EEF1B2: variants seen among roughly 807,000 people sequenced by gnomAD.
The protein encoded by EEF1B2 is eukaryotic translation elongation factor 1 beta 2, also known as elongation factor 1-beta.
In EEF1B2, 12 loss-of-function variants were observed where a neutral mutation model predicts 28.3. The ratio of observed to expected loss-of-function variants is 0.42; its 90% CI spans 0.27 to 0.69. The LOEUF (loss-of-function observed/expected upper bound fraction) is 0.69, where lower values mean the gene tolerates loss of function less well. Ranked by LOEUF, EEF1B2 falls within the 30% of genes least tolerant of loss-of-function variation. The pLI, the probability that EEF1B2 is intolerant of heterozygous loss-of-function variation, is 0.22. For missense variants in EEF1B2, 234 were observed against 272.6 expected (o/e 0.86, Z 1.00); for synonymous variants, 83 against 99.9 (o/e 0.83, Z 1.01).
chr2:206,162,014 T>C, intron 3 of EEF1B2, 24 bp from the exon 4 acceptor site: 1 of 1,607,064 alleles, frequency 6.2e-7, no homozygotes, highest in South Asian at 1.1e-5. Flanking sequence ...CTTTCTGAAG[T>C]GGATTAATTT....
chr2:206,161,496 A>G (rs749581952), intron 3 of EEF1B2, 24 bp downstream of exon 3: 24 of 1,612,152 alleles, frequency 1.5e-5, no homozygotes, highest in Non-Finnish European at 1.8e-5. Flanking sequence ...TATAAAGAAC[A>G]TATCGGCCAG....
intron 4 of EEF1B2, 145 bp downstream of exon 4, chr2:206,162,249 G>T: frequency 9.3e-7 from 1 of 1,076,544 alleles, no homozygotes; most frequent in Non-Finnish European, 1.4e-6. Context: ...CTGGTCTGCA[G>T]CTGTTCTTAT....
chr2:206,160,801 T>C, intron 2 of EEF1B2, 91 bp downstream of exon 2: 3 of 1,602,084 alleles, frequency 1.9e-6, no homozygotes, highest in Middle Eastern at 1.7e-4. Flanking sequence ...CAGGCTACTT[T>C]AGTTTTGTTG....
At chr2:206,159,853 C>T (rs1269516098), upstream of EEF1B2, 14 of 1,055,260 alleles carry the variant, frequency 1.3e-5, no homozygotes, top group Non-Finnish European at 1.9e-5. Flanking sequence ...TGGAGGGAAA[C>T]GCCTCCGTCT....
At chr2:206,160,518 G>A (rs2105784603) in intron 1 of EEF1B2, 70 bp from the exon 2 acceptor site, 1 of 1,610,298 alleles carries the variant, frequency 6.2e-7, no homozygotes, top group Non-Finnish European at 8.5e-7. Flanking sequence ...TGATGCATAC[G>A]GTATTTATTA....
intron 4 of EEF1B2, 145 bp downstream of exon 4, chr2:206,162,249 G>A (rs1687955479): frequency 9.3e-7 from 1 of 1,076,544 alleles, no homozygotes; most frequent in Non-Finnish European, 1.4e-6. Flanking sequence ...CTGGTCTGCA[G>A]CTGTTCTTAT....
rs1295178925 is a variant in EEF1B2, at chr2:206,162,478, ATTG to A, written c.398-8_398-6del. ...ATTCATTATTTGAATAATGCTGTTT[ATTG>A]TTTTTAGAACCTGCACTTGTTGCCA... On this transcript the variant is annotated splice_region_variant and splice_polypyrimidine_tract_variant and intron_variant, in intron 4 of 5. Transcript: ENST00000392222. 4 of 1,611,844 alleles carry A rather than the reference ATTG, an allele frequency of 2.5e-6. No individual in the cohort carries two copies. The highest frequency in any genetic ancestry group is 1.1e-5 in the South Asian group (1 of 90,474).
At chr2:206,162,227 C>A in intron 4 of EEF1B2, 123 bp downstream of exon 4, 1 of 1,122,410 alleles carries the variant, frequency 8.9e-7, no homozygotes, top group Non-Finnish European at 1.4e-6. Flanking sequence ...TGTACAGGTT[C>A]TTCCACAGCT....
At chr2:206,161,643 C>T (rs993601183) in intron 3 of EEF1B2, among the ~76,000 whole-genome samples, 171 bp downstream of exon 3, 1 of 151,950 alleles carries the variant, frequency 6.6e-6, no homozygotes, top group Non-Finnish European at 1.5e-5. Context: ...ATGTGGCAGG[C>T]ATCTGTAATC....
chr2:206,161,428 A>G lies in EEF1B2; in HGVS notation c.286A>G (p.Lys96Glu). The change falls in exon 3 of 6, where the codon AAA becomes GAA. Residue 96 changes from lysine (K) to glutamate (E), a missense_variant. This residue lies in a region of EEF1B2 where 178 missense variants were observed against 173.3 expected (regional missense o/e 1.03). Coordinates refer to ENST00000392222, the MANE Select transcript of EEF1B2 (RefSeq NM_001959.4). The part of the protein sequence containing the change: ...DTTGSGATDS[K>E]DDDDIDLFGS... ...TACAGGAAGTGGAGCTACAGATAGTAAAGATGATGATGACATTGACCTCTT... is the reference window on the plus strand; with the variant it reads ...TACAGGAAGTGGAGCTACAGATAGTGAAGATGATGATGACATTGACCTCTT... The G allele has an allele frequency of 6.2e-6, 10 of 1,613,980 alleles. No homozygotes were observed. Among genetic ancestry groups the G allele is most frequent in the Non-Finnish European group, 8.5e-6 (10 of 1,179,906 alleles).
intron 4 of EEF1B2, 126 bp downstream of exon 4, chr2:206,162,230 C>G: frequency 1.8e-6 from 2 of 1,113,812 alleles, no homozygotes; most frequent in Non-Finnish European, 2.8e-6. Flanking sequence ...ACAGGTTCTT[C>G]CACAGCTACT....
chr2:206,159,849 G>A, upstream of EEF1B2: 1 of 1,026,396 alleles, frequency 9.7e-7, no homozygotes, highest in Non-Finnish European at 1.4e-6. Context: ...GCGGTGGAGG[G>A]AAACGCCTCC....
upstream of EEF1B2, chr2:206,159,842 G>A: frequency 1.1e-6 from 1 of 930,594 alleles, no homozygotes; most frequent in Non-Finnish European, 1.6e-6. Flanking sequence ...GTCCGGCGCG[G>A]TGGAGGGAAA....
rs201390266 is a variant in EEF1B2 at position 206,162,178 on chromosome 2, T to C, written c.397+74T>C. On this transcript the variant is annotated intron_variant, in intron 4 of 5. Transcript: ENST00000392222. ...TTTCAAAGCTTGACCTTGAAGTAAT[T>C]TCCTCCACATTCCTTGAATAGGTCA... The C allele has an allele frequency of 7.5e-5, 105 of 1,406,438 alleles. 1 individual carries two copies. The highest frequency in any genetic ancestry group is 1.5e-5 in the Non-Finnish European group (15 of 992,454). The allele number at this position is 1,406,438 out of a possible 1,614,324, so 87.1% of individuals were successfully genotyped here.
chr2:206,160,663 C>G lies in EEF1B2; in HGVS notation c.156C>G (p.Ala52=), dbSNP rs1559072730. ...CACCGCCTGCCGACTTGTGTCATGC[C>G]CTACGTTGGTATAATCACATCAAGT... ...SSPPPADLCH[A]LRWYNHIKSY... Residue 52 remains alanine, a synonymous_variant, in exon 2 of 6, where the codon GCC becomes GCG. Coordinates refer to ENST00000392222, the MANE Select transcript of EEF1B2 (RefSeq NM_001959.4). The G allele has an allele frequency of 6.2e-7, 1 of 1,613,882 alleles. No individual in the cohort carries two copies. Among genetic ancestry groups the G allele is most frequent in the Non-Finnish European group, 8.5e-7 (1 of 1,180,028 alleles).
At position 206,161,748 on chromosome 2, in the gene EEF1B2, G is replaced by T. The variant is rs1229592732; in HGVS notation, c.330+276G>T. On this transcript the variant is annotated intron_variant, in intron 3 of 5. Transcript: ENST00000392222. ...TCGTGCCACTGCATCCAGCCTGGGCGACAGAGCGAGACTCCGTCCCAAAAA... is the reference window on the plus strand; with the variant it reads ...TCGTGCCACTGCATCCAGCCTGGGCTACAGAGCGAGACTCCGTCCCAAAAA... 7 of 512,038 alleles carry T rather than the reference G, an allele frequency of 1.4e-5. No homozygotes were observed. The East Asian group carries it at 2.6e-4, about 19-fold the overall frequency. The allele number at this position is 512,038 out of a possible 1,614,324, so 31.7% of individuals were successfully genotyped here. A position where few individuals can be genotyped will look rare whatever the true frequency, so the allele number is the denominator to read the frequency against.
chr2:206,160,410 AGC>A, intron 1 of EEF1B2, 176 bp from the exon 2 acceptor site: 1 of 1,095,710 alleles, frequency 9.1e-7, no homozygotes, highest in Non-Finnish European at 1.3e-6. Flanking sequence ...TTCTCAGGAT[AGC>A]GCGGTGACCC....
At chr2:206,160,816 A>G (rs923446960) in intron 2 of EEF1B2, 106 bp downstream of exon 2, 6 of 1,567,512 alleles carry the variant, frequency 3.8e-6, no homozygotes, top group Middle Eastern at 3.3e-4. Context: ...TTGTTGGGAT[A>G]TTGTAAGCTA....
chr2:206,162,358 A>G (rs2105787135), intron 4 of EEF1B2, 131 bp from the exon 5 acceptor site: 5 of 1,440,054 alleles, frequency 3.5e-6, no homozygotes, highest in Non-Finnish European at 4.9e-6. Flanking sequence ...TGACAGACAC[A>G]AGATGTATCT....
Sources: gnomAD v4.1 joint callset for allele counts (sites outside exome capture counted in the v4.1 genomes callset) on GRCh38, gnomAD v4.1.1 for gene constraint, gnomAD v4.1.1 regional missense constraint, MANE v1.5 for transcripts, NCBI Gene and HGNC (gene_info 2026-07-23, HGNC 2026-07-21) for gene names.